Variants in ADAM19 observed in about 807,000 individuals in gnomAD.
ADAM19 encodes disintegrin and metalloproteinase domain-containing protein 19.
Under a neutral mutation model 114.7 loss-of-function variants are expected in ADAM19, and 65 were observed. The observed-to-expected ratio is 0.57, with a 90% CI of 0.46 to 0.70. ADAM19 has a LOEUF of 0.70. Ranked by LOEUF, ADAM19 falls within the 30% of genes least tolerant of loss-of-function variation. The pLI, the probability that ADAM19 is intolerant of heterozygous loss-of-function variation, is 0.00. For missense variants in ADAM19, 1,063 were observed against 1,204.7 expected (o/e 0.88, Z 1.74); for synonymous variants, 466 against 460.5 (o/e 1.01, Z -0.15).
chr5:157,520,125 T>C, intron 5 of ADAM19, 94 bp from the exon 6 acceptor site: 1 of 1,266,316 alleles, frequency 7.9e-7, no homozygotes, highest in African/African-American at 1.5e-5. Context: ...CAAAATGACA[T>C]AGTGGGTTTT....
At chr5:157,547,691 C>G (rs1757085785) in intron 3 of ADAM19, among the ~76,000 whole-genome samples, 1 of 152,206 alleles carries the variant, frequency 6.6e-6, no homozygotes, top group Non-Finnish European at 1.5e-5. Flanking sequence ...CTTATTCAAG[C>G]TAGAAACTTT....
chr5:157,571,983 G>A (rs1219927209), intron 1 of ADAM19, among the ~76,000 whole-genome samples: 2 of 152,188 alleles, frequency 1.3e-5, no homozygotes, highest in Non-Finnish European at 2.9e-5. Flanking sequence ...GCTTCCTAAT[G>A]GCAAGTTTAC....
In ADAM19 at chr5:157,477,522, G is replaced by A. The variant is rs565369281; in HGVS notation, c.*3427C>T. On this transcript the variant is annotated 3_prime_UTR_variant, in exon 23 of 23. Coordinates refer to ENST00000257527, the MANE Select transcript of ADAM19 (RefSeq NM_033274.5). The stretch of plus-strand genomic sequence containing the variant: ...AGACACATACAAACGCACAGTGGAC[G>A]GTGTGAGAGGACGCGTTGGGGGTGA... The A allele has an allele frequency of 1.2e-4, 138 of 1,142,664 alleles. No homozygotes were observed. The highest frequency in any genetic ancestry group is 7.1e-4 in the Middle Eastern group (2 of 2,824). 70.8% of individuals were successfully genotyped at this position (1,142,664 alleles called of 1,614,324 possible).
intron 14 of ADAM19, 83 bp from the exon 15 acceptor site, chr5:157,494,878 G>T: frequency 1.8e-6 from 2 of 1,116,280 alleles, no homozygotes; most frequent in South Asian, 1.3e-5. Flanking sequence ...AAGTCATGAA[G>T]GTAAGAATAT....
chr5:157,490,229 A>G, intron 19 of ADAM19, 81 bp downstream of exon 19: 1 of 1,532,378 alleles, frequency 6.5e-7, no homozygotes. Context: ...CACTATCACC[A>G]ACACTTTTGC....
At chr5:157,511,525 T>A (rs1755921622) in intron 8 of ADAM19, among the ~76,000 whole-genome samples, 1 of 152,194 alleles carries the variant, frequency 6.6e-6, no homozygotes, top group South Asian at 2.1e-4. Flanking sequence ...CAGTGAAATA[T>A]CAGTTTATTT....
chr5:157,572,711 A>G (rs1747339168), intron 1 of ADAM19, among the ~76,000 whole-genome samples: 1 of 152,244 alleles, frequency 6.6e-6, no homozygotes, highest in African/African-American at 2.4e-5. Context: ...TGTGCCAAGT[A>G]CTATGCTATG....
At chr5:157,571,018 C>A in intron 1 of ADAM19, 38 bp from the exon 2 acceptor site, 2 of 1,575,740 alleles carry the variant, frequency 1.3e-6, no homozygotes, top group Non-Finnish European at 1.7e-6. Flanking sequence ...GAATCCCAGA[C>A]CTCTATACCC....
intron 7 of ADAM19, among the ~76,000 whole-genome samples, chr5:157,514,446 C>G (rs1756032471): frequency 6.6e-6 from 1 of 151,802 alleles, no homozygotes; most frequent in Non-Finnish European, 1.5e-5. Flanking sequence ...CCTGCCTCAG[C>G]CTCCTGAGTA....
At chr5:157,553,304 A>G (rs1205374282) in intron 3 of ADAM19, among the ~76,000 whole-genome samples, 1 of 152,246 alleles carries the variant, frequency 6.6e-6, no homozygotes, top group Non-Finnish European at 1.5e-5. Flanking sequence ...GTAAATATAT[A>G]CACTTACTAT....
chr5:157,496,051 C>T (rs185494681), intron 14 of ADAM19, among the ~76,000 whole-genome samples: 141 of 151,396 alleles, frequency 9.3e-4, no homozygotes, highest in African/African-American at 3.0e-3. Flanking sequence ...GCCATCCCCC[C>T]ACCTCAGCCT....
At chr5:157,575,436 A>C (rs963672900) in intron 1 of ADAM19, among the ~76,000 whole-genome samples, 167 bp downstream of exon 1, 1 of 152,230 alleles carries the variant, frequency 6.6e-6, no homozygotes, top group Non-Finnish European at 1.5e-5. Flanking sequence ...CCCAGGGCGC[A>C]GAACGTGGGA....
chr5:157,488,962 G>A (rs186414038), intron 20 of ADAM19, 140 bp downstream of exon 20: 31 of 644,810 alleles, frequency 4.8e-5, no homozygotes, highest in Middle Eastern at 3.9e-4. Flanking sequence ...CCCTGGAGGC[G>A]GAGCTTGCAG....
chr5:157,520,510 G>C (rs903924161), intron 5 of ADAM19, among the ~76,000 whole-genome samples: 18 of 152,342 alleles, frequency 1.2e-4, no homozygotes, highest in African/African-American at 4.1e-4. Context: ...GCCAGAGAAA[G>C]AACAGTGGCC....
chr5:157,482,165 T>C (rs1401679313), intron 21 of ADAM19, among the ~76,000 whole-genome samples: 1 of 152,248 alleles, frequency 6.6e-6, no homozygotes, highest in African/African-American at 2.4e-5. Context: ...GAAGATGATC[T>C]TTTTTTCATA....
intron 18 of ADAM19, among the ~76,000 whole-genome samples, chr5:157,491,405 A>C (rs1755150127): frequency 6.6e-6 from 1 of 152,234 alleles, no homozygotes; most frequent in Non-Finnish European, 1.5e-5. Context: ...CCTCAGTAGA[A>C]AGGATGGGAG....
rs561497002 is a variant in ADAM19, at chr5:157,561,531, G to A, written c.251+2842C>T. ...GAGACCTGAGAATCCAGTGTATGGG[G>A]AAATGTACAGAGGGAGAGTGGAAAC... On this transcript the variant is annotated intron_variant, in intron 3 of 22. Transcript: ENST00000257527. 6.0e-4 allele frequency among the ~76,000 whole-genome samples: 91 copies of A among 152,288 alleles called. 1 individual carries two copies. The highest frequency in any genetic ancestry group is 1.9e-3 in the African/African-American group (80 of 41,564).
chr5:157,480,353 G>A lies in ADAM19; in HGVS notation c.*596C>T. On this transcript the variant is annotated 3_prime_UTR_variant, in exon 23 of 23. Coordinates refer to ENST00000257527, the MANE Select transcript of ADAM19 (RefSeq NM_033274.5). ...GTGAATACAGGGATGCAGGGGTTTGGGGAGAGGTGGGAGGGGACGTGGCTT... is the reference window on the plus strand; with the variant it reads ...GTGAATACAGGGATGCAGGGGTTTGAGGAGAGGTGGGAGGGGACGTGGCTT... 1.0e-6 allele frequency: 1 copy of A among 987,528 alleles called. No homozygotes were observed. The highest frequency in any genetic ancestry group is 1.2e-6 in the Non-Finnish European group (1 of 831,454). 61.2% of individuals were successfully genotyped at this position (987,528 alleles called of 1,614,324 possible).
intron 1 of ADAM19, among the ~76,000 whole-genome samples, chr5:157,571,330 T>C (rs555704002): frequency 3.3e-5 from 5 of 152,248 alleles, no homozygotes; most frequent in South Asian, 2.1e-4. Flanking sequence ...ATTTGAGTCC[T>C]GAGGAGCCAG....
Sources: allele counts gnomAD v4.1 joint callset (sites outside exome capture counted in the v4.1 genomes callset), GRCh38; gene constraint gnomAD v4.1.1; transcripts MANE v1.5; gene names NCBI Gene and HGNC (gene_info 2026-07-23, HGNC 2026-07-21).